CDH23: variants seen among roughly 807,000 people sequenced by gnomAD.
The protein encoded by CDH23 is cadherin related 23.
A neutral mutation model predicts 317.1 loss-of-function variants in CDH23; 189 were observed. The observed-to-expected ratio is 0.60, with a 90% CI of 0.53 to 0.67. CDH23 has a LOEUF of 0.67. Among genes scored for constraint, CDH23 ranks in the 30% least tolerant of loss-of-function variants. CDH23 has a pLI of 0.00. For synonymous variants in CDH23, 1,839 were observed against 1,876.8 expected (o/e 0.98, Z 0.52); for missense variants, 4,401 against 4,592.4 (o/e 0.96, Z 1.20).
chr10:71,437,165 G>A (rs550220797), intron 1 of CDH23, among the ~76,000 whole-genome samples: 17 of 152,330 alleles, frequency 1.1e-4, no homozygotes, highest in Admixed American at 2.0e-4. Flanking sequence ...TATACTGCTG[G>A]TGGGACTGAG....
chr10:71,566,998 G>T (rs1857447108), intron 7 of CDH23, 62 bp downstream of exon 7: 8 of 1,516,142 alleles, frequency 5.3e-6, no homozygotes, highest in South Asian at 4.6e-5. Flanking sequence ...GGAAGAGAGT[G>T]ACGGGGCATT....
chr10:71,797,902 A>G (rs931063308), intron 49 of CDH23, among the ~76,000 whole-genome samples: 1 of 152,152 alleles, frequency 6.6e-6, no homozygotes, highest in Non-Finnish European at 1.5e-5. Context: ...AGGGGAAGCC[A>G]GGCCTGGCAG....
At chr10:71,426,033 G>A (rs1235093547) in intron 1 of CDH23, among the ~76,000 whole-genome samples, 1 of 152,178 alleles carries the variant, frequency 6.6e-6, no homozygotes, top group Non-Finnish European at 1.5e-5. Flanking sequence ...CTGGGGAGAA[G>A]GGGAAATAAG....
intron 28 of CDH23, chr10:71,717,414 C>A (rs1278482158): frequency 6.6e-6 from 1 of 152,268 alleles, no homozygotes; most frequent in African/African-American, 2.4e-5. Flanking sequence ...GGGAAATAAA[C>A]CCACAAGGAG....
intron 1 of CDH23, among the ~76,000 whole-genome samples, chr10:71,429,630 G>A (rs951936857): frequency 1.6e-4 from 24 of 152,194 alleles, no homozygotes; most frequent in African/African-American, 4.8e-4. Context: ...GGGGAAAGTC[G>A]TATTTAGCGG....
chr10:71,591,392 G>A (rs10999904), intron 9 of CDH23, among the ~76,000 whole-genome samples: 13,163 of 152,150 alleles, frequency 0.087, 734 homozygotes, highest in East Asian at 0.23. Context: ...TCAGTTGGGT[G>A]CTCATGTCTT....
chr10:71,634,873 A>T (rs1448569453), intron 11 of CDH23, among the ~76,000 whole-genome samples: 4 of 152,250 alleles, frequency 2.6e-5, no homozygotes, highest in Admixed American at 2.0e-4. Context: ...CATGGGCGTG[A>T]TTGAGGGGAG....
chr10:71,486,000 T>TA (rs11434157), intron 3 of CDH23, among the ~76,000 whole-genome samples: 109,120 of 152,078 alleles, frequency 0.72, 40,695 homozygotes, highest in African/African-American at 0.92. Context: ...ATCAATATAT[T>TA]TGGAGTAGAA....
Position 71,659,656 on chromosome 10 carries a change from A to C in CDH23, c.1449+13039A>C, listed in dbSNP as rs191767670. 3.4e-3 allele frequency among the ~76,000 whole-genome samples: 517 copies of C among 152,350 alleles called. 5 individuals are homozygous for C. The highest frequency in any genetic ancestry group is 5.7e-3 in the Non-Finnish European group (387 of 68,040). Reference sequence around the variant, plus strand: ...GCAGTACTTCCTGAACACATGTAATAATACACTCTAGTGTTTTCTGATTTA... The same window carrying C: ...GCAGTACTTCCTGAACACATGTAATCATACACTCTAGTGTTTTCTGATTTA... On this transcript the variant is annotated intron_variant, in intron 14 of 69. Coordinates refer to ENST00000224721, the MANE Select transcript of CDH23 (RefSeq NM_022124.6).
At chr10:71,489,537 G>A (rs958771003) in intron 3 of CDH23, among the ~76,000 whole-genome samples, 7 of 151,850 alleles carry the variant, frequency 4.6e-5, no homozygotes, top group African/African-American at 1.4e-4. Context: ...TGAACTATTT[G>A]AGGGCCTGAT....
At chr10:71,588,219 G>A (rs1240787570) in intron 9 of CDH23, among the ~76,000 whole-genome samples, 8 of 152,140 alleles carry the variant, frequency 5.3e-5, no homozygotes, top group Non-Finnish European at 1.2e-4. Flanking sequence ...CTGCACCTAC[G>A]TTTCTATCAG....
chr10:71,815,321 C>T lies in CDH23; in HGVS notation c.*43C>T, dbSNP rs760880250. On this transcript the variant is annotated 3_prime_UTR_variant, in exon 70 of 70. Transcript: ENST00000224721. ...GTGGGTGTGAGCAGCACCCATCCAC[C>T]GTCCCCTCCCAGGGAGCAAGGGCAG... 4.0e-6 allele frequency: 6 copies of T among 1,491,744 alleles called. No individual in the cohort carries two copies. In the African/African-American group the frequency reaches 4.2e-5, roughly 10 times the overall value. 92.4% of individuals were successfully genotyped at this position (1,491,744 alleles called of 1,614,324 possible).
rs115076294 is a variant in CDH23 at position 71,729,147 on chromosome 10, T to C, written c.3580-1322T>C. 6.2e-3 allele frequency among the ~76,000 whole-genome samples: 939 copies of C among 152,262 alleles called. 9 individuals are homozygous for C. Among genetic ancestry groups the C allele is most frequent in the African/African-American group, 0.021 (889 of 41,542 alleles). ...ACCATGCCTGGCCTCCATAAACACCTTTTAAACTGTATTACGTTCATGATG... is the reference window on the plus strand; with the variant it reads ...ACCATGCCTGGCCTCCATAAACACCCTTTAAACTGTATTACGTTCATGATG... On this transcript the variant is annotated intron_variant, in intron 30 of 69. Transcript: ENST00000224721.
rs140928372 is a variant in CDH23 at position 71,550,715 on chromosome 10, C to T, written c.430-16027C>T. Among the ~76,000 whole-genome samples the T allele has an allele frequency of 5.8e-3, 886 of 152,228 alleles. 8 individuals are homozygous for T. The highest frequency in any genetic ancestry group is 0.02 in the African/African-American group (841 of 41,534). On this transcript the variant is annotated intron_variant, in intron 6 of 69. Coordinates refer to ENST00000224721, the MANE Select transcript of CDH23 (RefSeq NM_022124.6). ...AGGGCCCCAGTGCTGTTACTCTTTCCCCCACCGTCCCATCCTCAAGGCCAC... is the reference window on the plus strand; with the variant it reads ...AGGGCCCCAGTGCTGTTACTCTTTCTCCCACCGTCCCATCCTCAAGGCCAC...
chr10:71,775,565 T>C (rs1343371175), intron 38 of CDH23, among the ~76,000 whole-genome samples: 1 of 152,076 alleles, frequency 6.6e-6, no homozygotes, highest in African/African-American at 2.4e-5. Context: ...CACTGTTTCC[T>C]CAACACCAGG....
rs371670151 is a variant in CDH23 at position 71,704,943 on chromosome 10, C to G, written c.2766C>G (p.Asn922Lys). The G allele has an allele frequency of 1.1e-5, 17 of 1,612,794 alleles. No homozygotes were observed. The highest frequency in any genetic ancestry group is 1.4e-5 in the Non-Finnish European group (16 of 1,179,848). Residue 922 changes from asparagine to lysine, a missense_variant, in exon 25 of 70, where the codon AAC becomes AAG. Physicochemically the swap from Asn to Lys is moderately conservative, Grantham distance 94. Coordinates refer to ENST00000224721, the MANE Select transcript of CDH23 (RefSeq NM_022124.6). ...VVAIDLDEGL[N>K]GLVSYRMPVG... ...CCATCGACCTCGATGAGGGCCTGAA[C>G]GGCCTGGTGTCCTACCGCATGCCGG...
chr10:71,632,509 C>T (rs991560000), intron 11 of CDH23, among the ~76,000 whole-genome samples: 6 of 151,988 alleles, frequency 3.9e-5, no homozygotes, highest in Non-Finnish European at 1.5e-5. Flanking sequence ...GGGGACTGGA[C>T]GAGGGGTCAG....
At chr10:71,813,123 C>T (rs1480150425) in intron 68 of CDH23, 121 bp from the exon 69 acceptor site, 14 of 1,146,118 alleles carry the variant, frequency 1.2e-5, no homozygotes, top group Admixed American at 4.2e-5. Context: ...TGCCGCTGAT[C>T]CTCTGCCCTA....
chr10:71,784,313 G>T lies in CDH23; in HGVS notation c.5395G>T (p.Gly1799Trp). 6.2e-7 allele frequency: 1 copy of T among 1,613,858 alleles called. No homozygotes were observed. Among genetic ancestry groups the T allele is most frequent in the East Asian group, 2.2e-5 (1 of 44,876 alleles). The change falls in exon 42 of 70, where the codon GGG (glycine) becomes TGG (tryptophan). Residue 1799 changes from glycine to tryptophan, a missense_variant. Coordinates refer to ENST00000224721, the MANE Select transcript of CDH23 (RefSeq NM_022124.6). ...GGAGTTTGTGATCTCTCCTGTGGAGGGGGTGCTAAGGGTCCGGAAGGACGT... is the reference window on the plus strand; with the variant it reads ...GGAGTTTGTGATCTCTCCTGTGGAGTGGGTGCTAAGGGTCCGGAAGGACGT... The part of the protein sequence containing the change: ...LGEFVISPVE[G>W]VLRVRKDVEL...
Sources: gnomAD v4.1 joint callset for allele counts (sites outside exome capture counted in the v4.1 genomes callset) on GRCh38, gnomAD v4.1.1 for gene constraint, MANE v1.5 for transcripts, NCBI Gene and HGNC (gene_info 2026-07-23, HGNC 2026-07-21) for gene names.